CCSER1: variants seen among roughly 807,000 people sequenced by gnomAD.
CCSER1 encodes serine-rich coiled-coil domain-containing protein 1.
Under a neutral mutation model 82.0 loss-of-function variants are expected in CCSER1, and 41 were observed. That is an observed-to-expected ratio of 0.50 (90% CI 0.39 to 0.65). The LOEUF is 0.65. Ranked by LOEUF, CCSER1 falls within the 30% of genes least tolerant of loss-of-function variation. CCSER1 has a pLI of 0.00. For missense variants in CCSER1, 1,119 were observed against 1,064.2 expected (o/e 1.05, Z -0.72); for synonymous variants, 414 against 383.9 (o/e 1.08, Z -0.92).
chr4:90,880,206 G>T (rs1375983620), intron 8 of CCSER1, among the ~76,000 whole-genome samples: 1 of 152,160 alleles, frequency 6.6e-6, no homozygotes, highest in Non-Finnish European at 1.5e-5. Flanking sequence ...GCTGCCCACT[G>T]TATCTCTCCG....
Position 91,459,036 on chromosome 4 carries a change from T to C in CCSER1, c.2218-139536T>C, listed in dbSNP as rs568997154. Among the ~76,000 whole-genome samples the C allele has an allele frequency of 6.6e-5, 10 of 152,202 alleles. No homozygotes were observed. The South Asian group carries it at 2.1e-3, about 32-fold the overall frequency. Reference sequence around the variant, plus strand: ...GGTTTTTTTTCCCTAAGAGTTCTTATGGGACACAATATATAATGTTTCCTT... The same window carrying C: ...GGTTTTTTTTCCCTAAGAGTTCTTACGGGACACAATATATAATGTTTCCTT... On this transcript the variant is annotated intron_variant, in intron 10 of 10. Coordinates refer to ENST00000509176, the MANE Select transcript of CCSER1 (RefSeq NM_001145065.2).
intron 10 of CCSER1, among the ~76,000 whole-genome samples, chr4:91,508,007 T>TAG (rs1759596478): frequency 9.9e-6 from 1 of 100,732 alleles, no homozygotes; most frequent in Admixed American, 9.6e-5. Context: ...TATATATATA[T>TAG]ATATGAAATT....
At chr4:91,069,016 A>G (rs1046527166) in intron 9 of CCSER1, among the ~76,000 whole-genome samples, 4 of 152,066 alleles carry the variant, frequency 2.6e-5, no homozygotes, top group Non-Finnish European at 5.9e-5. Flanking sequence ...TTTACAAAAA[A>G]TACAAAAATT....
intron 10 of CCSER1, among the ~76,000 whole-genome samples, chr4:91,249,299 G>C (rs373686621): frequency 6.6e-6 from 1 of 152,136 alleles, no homozygotes; most frequent in Admixed American, 6.5e-5. Flanking sequence ...GGAGGAAAAA[G>C]TCCTTTTTCT....
intron 5 of CCSER1, among the ~76,000 whole-genome samples, chr4:90,515,428 A>T (rs1244258528): frequency 2.0e-5 from 3 of 152,138 alleles, no homozygotes; most frequent in African/African-American, 7.2e-5. Flanking sequence ...GCTTTTGCAT[A>T]ACTTTTATTT....
intron 1 of CCSER1, among the ~76,000 whole-genome samples, chr4:90,152,028 G>A (rs1381443105): frequency 6.6e-6 from 1 of 152,122 alleles, no homozygotes; most frequent in Non-Finnish European, 1.5e-5. Context: ...TTAGAATTTG[G>A]TCCTTAAGTC....
At chr4:91,020,690 CT>C (rs1444403205) in intron 9 of CCSER1, among the ~76,000 whole-genome samples, 12 of 151,802 alleles carry the variant, frequency 7.9e-5, no homozygotes, top group Admixed American at 5.9e-4. Context: ...ACCTTGACAA[CT>C]TATAAGAACA....
At chr4:90,544,858 A>T (rs1334175426) in intron 5 of CCSER1, among the ~76,000 whole-genome samples, 1 of 152,152 alleles carries the variant, frequency 6.6e-6, no homozygotes, top group East Asian at 1.9e-4. Flanking sequence ...ATGTTAAATT[A>T]TTTATTACAA....
intron 8 of CCSER1, among the ~76,000 whole-genome samples, chr4:90,868,347 C>A (rs1766004216): frequency 1.3e-5 from 2 of 152,056 alleles, no homozygotes; most frequent in Admixed American, 6.6e-5. Context: ...ACCACTCCCA[C>A]CTTACTACCC....
At chr4:91,444,381 A>T (rs545630130) in intron 10 of CCSER1, among the ~76,000 whole-genome samples, 1 of 152,292 alleles carries the variant, frequency 6.6e-6, no homozygotes, top group East Asian at 1.9e-4. Flanking sequence ...AATCATCAAT[A>T]ATAGGAAAGC....
At chr4:90,744,592 A>C (rs78183346) in intron 7 of CCSER1, among the ~76,000 whole-genome samples, 2,941 of 152,296 alleles carry the variant, frequency 0.019, 91 homozygotes, top group African/African-American at 0.066. Context: ...CAGATGATCT[A>C]GACCAGGGGT....
intron 5 of CCSER1, among the ~76,000 whole-genome samples, chr4:90,532,601 G>A (rs1774674693): frequency 6.6e-6 from 1 of 152,048 alleles, no homozygotes; most frequent in South Asian, 2.1e-4. Flanking sequence ...GTTTGCTGTT[G>A]TAGCATGAAA....
intron 10 of CCSER1, among the ~76,000 whole-genome samples, chr4:91,149,864 C>T (rs1465636041): frequency 1.3e-5 from 2 of 152,266 alleles, no homozygotes; most frequent in East Asian, 1.9e-4. Context: ...CAGTACCATG[C>T]TGTTTTGGTT....
chr4:91,229,896 A>G (rs1738490018), intron 10 of CCSER1, among the ~76,000 whole-genome samples: 1 of 152,240 alleles, frequency 6.6e-6, no homozygotes, highest in Middle Eastern at 3.4e-3. Flanking sequence ...CAGGGCTCAA[A>G]GCCTAGATGA....
chr4:90,536,289 CT>C (rs376959728), intron 5 of CCSER1, among the ~76,000 whole-genome samples: 5 of 152,290 alleles, frequency 3.3e-5, no homozygotes, highest in African/African-American at 1.2e-4. Flanking sequence ...CCGCCTCGGC[CT>C]CCCAAAATGT....
At chr4:91,252,561 G>A (rs79624934) in intron 10 of CCSER1, among the ~76,000 whole-genome samples, 2,997 of 152,158 alleles carry the variant, frequency 0.02, 98 homozygotes, top group African/African-American at 0.066. Context: ...TTGGTTTGCA[G>A]CTCCACGTTT....
chr4:90,302,593 G>C (rs983251975), intron 1 of CCSER1, among the ~76,000 whole-genome samples: 10 of 152,144 alleles, frequency 6.6e-5, no homozygotes, highest in African/African-American at 2.4e-4. Flanking sequence ...TTGAGGCCAG[G>C]AGTTTGAGAT....
At chr4:91,461,695 T>C (rs970982616) in intron 10 of CCSER1, among the ~76,000 whole-genome samples, 3 of 152,204 alleles carry the variant, frequency 2.0e-5, no homozygotes, top group South Asian at 2.1e-4. Flanking sequence ...GATTTATGAA[T>C]AGAAAAGTAG....
rs576422704 is a variant in CCSER1, at chr4:90,233,330, G to A, written c.-41-74914G>A. Among the ~76,000 whole-genome samples the A allele has an allele frequency of 7.8e-4, 119 of 152,082 alleles. 1 individual carries two copies. The highest frequency in any genetic ancestry group is 1.3e-3 in the Admixed American group (20 of 15,276). ...GAGTTCATGTCCTTTGTAGGGACAC[G>A]GATGAAATTGGAAATCATCATTCTC... On this transcript the variant is annotated intron_variant, in intron 1 of 10. Transcript: ENST00000509176.
Sources: gnomAD v4.1 joint callset for allele counts (sites outside exome capture counted in the v4.1 genomes callset) on GRCh38, gnomAD v4.1.1 for gene constraint, MANE v1.5 for transcripts, NCBI Gene and HGNC (gene_info 2026-07-23, HGNC 2026-07-21) for gene names.